TACR3: variants seen among roughly 807,000 people sequenced by gnomAD.
The protein encoded by TACR3 is tachykinin receptor 3.
A neutral mutation model predicts 35.0 loss-of-function variants in TACR3; 34 were observed. The observed-to-expected ratio is 0.97, with a 90% CI of 0.74 to 1.30. TACR3 has a LOEUF of 1.30. Ranked by LOEUF, TACR3 falls within the 50% of genes most tolerant of loss-of-function variation. TACR3 has a pLI of 0.00. For synonymous variants in TACR3, 233 were observed against 221.1 expected (o/e 1.05, Z -0.48); for missense variants, 558 against 591.7 (o/e 0.94, Z 0.59).
chr4:103,615,376 CGTGT>C lies in TACR3; in HGVS notation c.889-23697_889-23694del, dbSNP rs3974469. ...TTCCTTTTACCATATTTCCTGCTAT[CGTGT>C]GTGTGTGTGTGTGTGTGTGAGAGAG... is the stretch of plus-strand genomic sequence containing the variant. On this transcript the variant is annotated intron_variant, in intron 3 of 4. Coordinates refer to ENST00000304883, the MANE Select transcript of TACR3 (RefSeq NM_001059.3). Among the ~76,000 whole-genome samples the C allele has an allele frequency of 3.9e-3, 559 of 143,918 alleles. 9 individuals carry two copies. The highest frequency in any genetic ancestry group is 2.8e-3 in the Non-Finnish European group (187 of 66,652). The allele number at this position is 143,918 out of a possible 152,430, so 94.4% of individuals were successfully genotyped here.
intron 1 of TACR3, among the ~76,000 whole-genome samples, chr4:103,670,565 A>T (rs1460782624): frequency 1.3e-5 from 2 of 151,614 alleles, no homozygotes; most frequent in Non-Finnish European, 3.0e-5. Flanking sequence ...ATTTTATTTT[A>T]TTTGTTGCTA....
chr4:103,666,897 T>C (rs1431970714), intron 1 of TACR3, among the ~76,000 whole-genome samples: 4 of 152,116 alleles, frequency 2.6e-5, no homozygotes, highest in Admixed American at 2.6e-4. Flanking sequence ...CAAAAACCAC[T>C]TCCATAAGTA....
chr4:103,615,434 A>T (rs1440045846), intron 3 of TACR3, among the ~76,000 whole-genome samples: 1 of 144,306 alleles, frequency 6.9e-6, no homozygotes, highest in African/African-American at 2.6e-5. Flanking sequence ...AGAGAGAGGG[A>T]AATGGGTTTG....
At chr4:103,654,617 A>G (rs867180348) in intron 3 of TACR3, among the ~76,000 whole-genome samples, 98 of 151,452 alleles carry the variant, frequency 6.5e-4, no homozygotes, top group Non-Finnish European at 8.0e-4. Context: ...TAATGGCTGC[A>G]GCACACCAAC....
intron 3 of TACR3, among the ~76,000 whole-genome samples, chr4:103,648,838 T>C (rs1488642433): frequency 2.6e-5 from 4 of 152,064 alleles, no homozygotes; most frequent in African/African-American, 9.7e-5. Context: ...GTAGTGCTAT[T>C]TTTATTTTTA....
intron 1 of TACR3, among the ~76,000 whole-genome samples, chr4:103,701,582 G>A (rs544783312): frequency 5.9e-5 from 9 of 152,148 alleles, no homozygotes; most frequent in South Asian, 2.1e-4. Context: ...AAAAGAGCCC[G>A]CATTGCCAAG....
intron 3 of TACR3, among the ~76,000 whole-genome samples, chr4:103,602,053 A>T (rs1724218156): frequency 6.6e-6 from 1 of 152,172 alleles, no homozygotes. Context: ...CTTTTCACAT[A>T]GTCCCATATT....
intron 3 of TACR3, among the ~76,000 whole-genome samples, chr4:103,643,909 G>T (rs1725406790): frequency 6.6e-6 from 1 of 151,640 alleles, no homozygotes; most frequent in East Asian, 1.9e-4. Context: ...AACCCATAGA[G>T]AACCTTTTTC....
At chr4:103,615,099 T>C (rs1243831771) in intron 3 of TACR3, among the ~76,000 whole-genome samples, 1 of 151,896 alleles carries the variant, frequency 6.6e-6, no homozygotes, top group African/African-American at 2.4e-5. Context: ...GGTTTCACTG[T>C]GTTAGCCAGG....
intron 3 of TACR3, among the ~76,000 whole-genome samples, chr4:103,619,347 G>A (rs371859222): frequency 5.3e-5 from 8 of 152,004 alleles, no homozygotes; most frequent in Non-Finnish European, 1.0e-4. Flanking sequence ...CTGCCACCAC[G>A]CCTGGCTAAT....
intron 1 of TACR3, among the ~76,000 whole-genome samples, chr4:103,701,743 C>A (rs1264522715): frequency 6.6e-6 from 1 of 151,506 alleles, no homozygotes. Context: ...AGAAATAATG[C>A]CACATATCTA....
rs555009726 is a variant in TACR3 at position 103,685,187 on chromosome 4, T to C, written c.549-26784A>G. On this transcript the variant is annotated intron_variant, in intron 1 of 4. Coordinates refer to ENST00000304883, the MANE Select transcript of TACR3 (RefSeq NM_001059.3). ...AAGACATAGATCAATGAAACAGGAT[T>C]TGGAGTCTAGAAACAGATGTACATA... 1.0e-3 allele frequency among the ~76,000 whole-genome samples: 152 copies of C among 152,040 alleles called. 3 individuals carry two copies. Among genetic ancestry groups the C allele is most frequent in the African/African-American group, 3.6e-3 (149 of 41,500 alleles).
chr4:103,655,701 G>A (rs1312811971), intron 3 of TACR3, among the ~76,000 whole-genome samples: 3 of 151,916 alleles, frequency 2.0e-5, no homozygotes. Flanking sequence ...TCAGGGGAAA[G>A]AACACACAGA....
At chr4:103,601,627 T>G (rs937375387) in intron 3 of TACR3, among the ~76,000 whole-genome samples, 2 of 152,166 alleles carry the variant, frequency 1.3e-5, no homozygotes, top group Non-Finnish European at 1.5e-5. Context: ...GAGGATATTA[T>G]TTCTCCTTCA....
At chr4:103,632,048 T>C (rs1223907739) in intron 3 of TACR3, among the ~76,000 whole-genome samples, 1 of 152,208 alleles carries the variant, frequency 6.6e-6, no homozygotes, top group African/African-American at 2.4e-5. Flanking sequence ...TGTTATTATT[T>C]ACTAAAGTGA....
intron 3 of TACR3, among the ~76,000 whole-genome samples, chr4:103,614,063 C>A (rs1724575730): frequency 6.6e-6 from 1 of 152,114 alleles, no homozygotes; most frequent in South Asian, 2.1e-4. Flanking sequence ...GGTGTTATGG[C>A]TTTAACATAT....
At chr4:103,693,782 G>A (rs1722463373) in intron 1 of TACR3, among the ~76,000 whole-genome samples, 1 of 147,066 alleles carries the variant, frequency 6.8e-6, no homozygotes, top group Admixed American at 6.6e-5. Flanking sequence ...GTTTTTCCCT[G>A]TATTCTGATA....
intron 1 of TACR3, among the ~76,000 whole-genome samples, chr4:103,704,551 C>G (rs898321655): frequency 6.6e-6 from 1 of 152,136 alleles, no homozygotes; most frequent in Non-Finnish European, 1.5e-5. Context: ...TGAGACAGAG[C>G]AAGCAAGAGC....
chr4:103,708,231 C>A (rs1722844078), intron 1 of TACR3, among the ~76,000 whole-genome samples: 1 of 152,174 alleles, frequency 6.6e-6, no homozygotes. Flanking sequence ...CCCTGAGTAG[C>A]CTAAATGGGA....
Sources: gnomAD v4.1 joint callset for allele counts (sites outside exome capture counted in the v4.1 genomes callset) on GRCh38, gnomAD v4.1.1 for gene constraint, MANE v1.5 for transcripts, NCBI Gene and HGNC (gene_info 2026-07-23, HGNC 2026-07-21) for gene names.